Variants in ADGRL3 observed in about 807,000 individuals in gnomAD.
ADGRL3 encodes calcium-independent alpha-latrotoxin receptor 3.
ADGRL3 carries 62 observed loss-of-function variants against 153.5 expected under a neutral mutation model. The ratio of observed to expected loss-of-function variants is 0.40; its 90% CI spans 0.33 to 0.50. The LOEUF (loss-of-function observed/expected upper bound fraction) is 0.50, where lower values mean the gene tolerates loss of function less well. Ranked by LOEUF, ADGRL3 falls within the 20% of genes least tolerant of loss-of-function variation. The pLI is 0.47. For synonymous variants in ADGRL3, 710 were observed against 672.5 expected (o/e 1.06, Z -0.86); for missense variants, 1,641 against 1,859.4 (o/e 0.88, Z 2.16).
At position 61,536,295 on chromosome 4, in the gene ADGRL3, G is replaced by A. The variant is rs368332881; in HGVS notation, c.259+18777G>A. Among the ~76,000 whole-genome samples, 14 of 152,072 alleles carry A rather than the reference G, an allele frequency of 9.2e-5. No individual in the cohort carries two copies. In the East Asian group the frequency reaches 1.9e-3, roughly 21 times the overall value. Reference sequence around the variant, plus strand: ...CGAGTTTATTGAGACGTGCTTTATCGCCAAGCATATGGTCAGTTTTAGAGA... The same window carrying A: ...CGAGTTTATTGAGACGTGCTTTATCACCAAGCATATGGTCAGTTTTAGAGA... On this transcript the variant is annotated intron_variant, in intron 4 of 26. Coordinates refer to ENST00000683033, the MANE Select transcript of ADGRL3 (RefSeq NM_001387552.1).
intron 1 of ADGRL3, among the ~76,000 whole-genome samples, chr4:61,215,992 G>C (rs1742614536): frequency 6.6e-6 from 1 of 151,978 alleles, no homozygotes; most frequent in South Asian, 2.1e-4. Flanking sequence ...GATGGTGGGT[G>C]GTCCTTTTTC....
intron 1 of ADGRL3, among the ~76,000 whole-genome samples, chr4:61,234,399 A>G (rs1751997752): frequency 6.6e-6 from 1 of 152,140 alleles, no homozygotes; most frequent in Non-Finnish European, 1.5e-5. Flanking sequence ...GGATTCAATT[A>G]CCACCCCCTG....
chr4:61,972,860 A>G (rs1177992907), intron 17 of ADGRL3, among the ~76,000 whole-genome samples: 1 of 152,040 alleles, frequency 6.6e-6, no homozygotes, highest in Non-Finnish European at 1.5e-5. Context: ...CCTTTACTAA[A>G]TCCAGCTCAA....
chr4:61,741,617 T>C (rs75591863), intron 8 of ADGRL3, among the ~76,000 whole-genome samples: 4 of 152,048 alleles, frequency 2.6e-5, no homozygotes, highest in East Asian at 1.9e-4. Flanking sequence ...TCTCTTACGC[T>C]TTTTTTTAAA....
At chr4:61,916,566 G>A (rs1357018740) in intron 13 of ADGRL3, among the ~76,000 whole-genome samples, 1 of 149,244 alleles carries the variant, frequency 6.7e-6, no homozygotes, top group African/African-American at 2.6e-5. Flanking sequence ...ATGAGATAGT[G>A]TACTGGCCCA....
intron 1 of ADGRL3, among the ~76,000 whole-genome samples, chr4:61,318,964 T>C (rs1204395963): frequency 6.6e-6 from 1 of 152,210 alleles, no homozygotes; most frequent in Non-Finnish European, 1.5e-5. Context: ...ATTCATTCTC[T>C]AGTTACTCCT....
At chr4:61,664,859 C>A (rs2094728921) in intron 5 of ADGRL3, among the ~76,000 whole-genome samples, 1 of 152,216 alleles carries the variant, frequency 6.6e-6, no homozygotes, top group East Asian at 1.9e-4. Flanking sequence ...TTGCCTACCA[C>A]AAACCCATCC....
chr4:61,664,922 C>T (rs2094731480), intron 5 of ADGRL3, among the ~76,000 whole-genome samples: 1 of 152,158 alleles, frequency 6.6e-6, no homozygotes, highest in South Asian at 2.1e-4. Flanking sequence ...TGTTCCATCT[C>T]CTTTAGGTAG....
chr4:61,992,426 C>T (rs1173997093), intron 19 of ADGRL3, among the ~76,000 whole-genome samples: 1 of 152,148 alleles, frequency 6.6e-6, no homozygotes, highest in Non-Finnish European at 1.5e-5. Flanking sequence ...TTAACAGCCA[C>T]AGTGAACTGG....
At chr4:61,760,425 G>T (rs2096897249) in intron 8 of ADGRL3, among the ~76,000 whole-genome samples, 1 of 152,190 alleles carries the variant, frequency 6.6e-6, no homozygotes, top group Admixed American at 6.5e-5. Flanking sequence ...CTGGGAATAA[G>T]CGAGGCTCCG....
intron 1 of ADGRL3, among the ~76,000 whole-genome samples, chr4:61,263,723 G>A (rs1427825079): frequency 6.6e-6 from 1 of 152,066 alleles, no homozygotes. Flanking sequence ...GTGGGCACTT[G>A]CTTCTCAAAT....
In ADGRL3 at chr4:61,261,490, G is replaced by A. The variant is rs373057318; in HGVS notation, c.-240+59725G>A. 1.1e-4 allele frequency among the ~76,000 whole-genome samples: 16 copies of A among 152,060 alleles called. No individual in the cohort carries two copies. In the East Asian group the frequency reaches 2.9e-3, roughly 28 times the overall value. On this transcript the variant is annotated intron_variant, in intron 1 of 26. Coordinates refer to ENST00000683033, the MANE Select transcript of ADGRL3 (RefSeq NM_001387552.1). ...GGAATTTTTTCTGAATATTTTTGAT[G>A]CACTGTTGGTTGAATCCATTAATGC...
chr4:61,913,733 C>T (rs909811565), intron 13 of ADGRL3, among the ~76,000 whole-genome samples: 5 of 151,208 alleles, frequency 3.3e-5, no homozygotes, highest in South Asian at 2.1e-4. Flanking sequence ...CCGCTATCCT[C>T]GGTAGTACAG....
chr4:61,409,779 G>A (rs1262095937), intron 2 of ADGRL3, among the ~76,000 whole-genome samples: 2 of 151,732 alleles, frequency 1.3e-5, no homozygotes, highest in African/African-American at 2.4e-5. Flanking sequence ...TGATTTGTAA[G>A]GTTAATCCAA....
intron 1 of ADGRL3, among the ~76,000 whole-genome samples, chr4:61,362,869 AAAC>A (rs1391989191): frequency 2.0e-5 from 3 of 152,152 alleles, no homozygotes; most frequent in African/African-American, 7.2e-5. Flanking sequence ...TTTTGAAAAA[AAAC>A]CTTCTGATCA....
intron 9 of ADGRL3, among the ~76,000 whole-genome samples, chr4:61,816,317 G>T (rs1425014734): frequency 6.6e-6 from 1 of 152,176 alleles, no homozygotes; most frequent in Non-Finnish European, 1.5e-5. Context: ...ATGTTTTATA[G>T]TTAACAGGCT....
chr4:61,930,131 G>A (rs1186702596), intron 13 of ADGRL3, among the ~76,000 whole-genome samples: 4 of 150,338 alleles, frequency 2.7e-5, no homozygotes, highest in African/African-American at 4.9e-5. Flanking sequence ...AGCAGAGATC[G>A]TGCCACTGCA....
In ADGRL3 at chr4:61,365,123, G is replaced by A. The variant is rs866023639; in HGVS notation, c.-239-18001G>A. On this transcript the variant is annotated intron_variant, in intron 1 of 26. Coordinates refer to ENST00000683033, the MANE Select transcript of ADGRL3 (RefSeq NM_001387552.1). Reference sequence around the variant, plus strand: ...TCATAGAAAATGGTTATGACATTACGACTATAATGCAGATACATACTGCCC... The same window carrying A: ...TCATAGAAAATGGTTATGACATTACAACTATAATGCAGATACATACTGCCC... Among the ~76,000 whole-genome samples, 4 of 152,054 alleles carry A rather than the reference G, an allele frequency of 2.6e-5. 1 individual carries two copies. The highest frequency in any genetic ancestry group is 6.8e-3 in the Middle Eastern group (2 of 294).
intron 2 of ADGRL3, among the ~76,000 whole-genome samples, chr4:61,395,914 C>T (rs571927472): frequency 6.6e-6 from 1 of 151,990 alleles, no homozygotes; most frequent in South Asian, 2.1e-4. Context: ...TGTTATCCCA[C>T]CTGTTGAGAG....
Sources: allele counts gnomAD v4.1 joint callset (sites outside exome capture counted in the v4.1 genomes callset), GRCh38; gene constraint gnomAD v4.1.1; transcripts MANE v1.5; gene names NCBI Gene and HGNC (gene_info 2026-07-23, HGNC 2026-07-21).